Variants in SEC14L5 observed in about 807,000 individuals in gnomAD.
SEC14L5 encodes the protein SEC14-like protein 5.
SEC14L5 carries 96 observed loss-of-function variants against 84.6 expected under a neutral mutation model. The ratio of observed to expected loss-of-function variants is 1.13; its 90% CI spans 0.96 to 1.34. SEC14L5 has a LOEUF of 1.34. Among genes scored for constraint, SEC14L5 ranks in the 40% most tolerant of loss-of-function variants. The pLI is 0.00. For missense variants in SEC14L5, 1,224 were observed against 942.5 expected (o/e 1.30, Z -3.91); for synonymous variants, 546 against 383.4 (o/e 1.42, Z -4.95).
At chr16:4,993,630 C>G (rs1163290685) in intron 6 of SEC14L5, among the ~76,000 whole-genome samples, 1 of 152,208 alleles carries the variant, frequency 6.6e-6, no homozygotes, top group Non-Finnish European at 1.5e-5. Flanking sequence ...ATACAAACAA[C>G]ATGGTACATG....
chr16:4,965,177 G>C (rs1475462358), intron 2 of SEC14L5, among the ~76,000 whole-genome samples: 2 of 152,276 alleles, frequency 1.3e-5, no homozygotes, highest in East Asian at 1.9e-4. Flanking sequence ...CCACATCTTA[G>C]CATGTATAGA....
chr16:4,962,705 A>AAC (rs1555527615), intron 2 of SEC14L5, among the ~76,000 whole-genome samples: 1 of 150,916 alleles, frequency 6.6e-6, no homozygotes, highest in Admixed American at 6.6e-5. Context: ...AAAAAAAAAA[A>AAC]AAACTTCCTT....
chr16:4,983,694 T>A (rs34192962), intron 2 of SEC14L5, among the ~76,000 whole-genome samples: 10,756 of 151,776 alleles, frequency 0.071, 1,099 homozygotes, highest in East Asian at 0.51. Flanking sequence ...CTGACCAACA[T>A]GGTGAAACCC....
Position 4,996,851 on chromosome 16 carries a change from T to G in SEC14L5, c.781-4T>G. On this transcript the variant is annotated splice_region_variant and splice_polypyrimidine_tract_variant and intron_variant, in intron 7 of 15. Transcript: ENST00000251170. ...TGTGGGCTTTTTACTTCTTTGTCTC[T>G]CAGATTCCCAAAGATGAGCACATCC... The G allele has an allele frequency of 1.2e-6, 2 of 1,607,246 alleles. No individual in the cohort carries two copies. The highest frequency in any genetic ancestry group is 1.7e-6 in the Non-Finnish European group (2 of 1,176,902).
intron 1 of SEC14L5, among the ~76,000 whole-genome samples, chr16:4,958,660 G>C (rs1955083186): frequency 1.3e-5 from 2 of 152,260 alleles, no homozygotes; most frequent in Admixed American, 6.5e-5. Context: ...GTGTGTGCAC[G>C]TCTGTGCACA....
In SEC14L5 at chr16:5,011,221, C is replaced by G. The variant is rs911979020; in HGVS notation, c.1927C>G (p.Pro643Ala). 7.4e-6 allele frequency: 12 copies of G among 1,613,766 alleles called. No homozygotes were observed. The highest frequency in any genetic ancestry group is 1.0e-5 in the Non-Finnish European group (12 of 1,179,878). Reference sequence around the variant, plus strand: ...CCTGACGGCTCTGCACAGCCCCGGGCCCAAGTGCAAACTTCTCTACTACTG... The same window carrying G: ...CCTGACGGCTCTGCACAGCCCCGGGGCCAAGTGCAAACTTCTCTACTACTG... Reference protein sequence around the residue: ...DVLTALHSPGPKCKLLYYCEV... With the variant: ...DVLTALHSPGAKCKLLYYCEV... Residue 643 changes from proline (P) to alanine (A), a missense_variant, in exon 15 of 16, where the codon CCC becomes GCC. Pro to Ala is a conservative substitution (Grantham distance 27, BLOSUM62 -1). Transcript: ENST00000251170.
chr16:4,981,496 G>C (rs948741401), intron 2 of SEC14L5, among the ~76,000 whole-genome samples: 4 of 152,056 alleles, frequency 2.6e-5, no homozygotes, highest in Non-Finnish European at 4.4e-5. Flanking sequence ...AGAAGGAAGG[G>C]GAGAAGGTCA....
Position 4,996,424 on chromosome 16 carries a change from G to C in SEC14L5, c.744G>C (p.Gln248His), listed in dbSNP as rs760426926. The change falls in exon 7 of 16, where the codon CAG (glutamine) becomes CAC (histidine). Residue 248 changes from glutamine to histidine, a missense_variant. Transcript: ENST00000251170. Reference sequence around the variant, plus strand: ...CCATGCAGGAGAGCTGCCTGATCCAGCTTCGGCACTGGTTACAGGAGACCC... The same window carrying C: ...CCATGCAGGAGAGCTGCCTGATCCACCTTCGGCACTGGTTACAGGAGACCC... ...LTPMQESCLI[Q>H]LRHWLQETHK... 3 of 1,573,290 alleles carry C rather than the reference G, an allele frequency of 1.9e-6. No homozygotes were observed. The highest frequency in any genetic ancestry group is 2.4e-5 in the East Asian group (1 of 42,306).
chr16:4,997,057 A>G lies in SEC14L5; in HGVS notation c.970+13A>G, dbSNP rs372146881. The G allele has an allele frequency of 1.5e-4, 240 of 1,589,618 alleles. No homozygotes were observed. The highest frequency in any genetic ancestry group is 8.1e-5 in the African/African-American group (6 of 73,872). ...TACCAGGACATAGGTGCGTGCCTCC[A>G]CCCACATCATGTATAGGGCATACTT... On this transcript the variant is annotated intron_variant, in intron 8 of 15. Transcript: ENST00000251170.
At chr16:5,003,291 C>A in intron 10 of SEC14L5, 111 bp from the exon 11 acceptor site, 2 of 788,486 alleles carry the variant, frequency 2.5e-6, no homozygotes, top group Non-Finnish European at 4.1e-6. Context: ...GAGCCCCCAT[C>A]TGCTCCCAGC....
At position 5,005,946 on chromosome 16, in the gene SEC14L5, G is replaced by A. The variant is rs757155332; in HGVS notation, c.1335G>A (p.Arg445=). Residue 445 remains arginine (R), a synonymous_variant, in exon 12 of 16, where the codon CGG becomes CGA. Transcript: ENST00000251170. Reference sequence around the variant, plus strand: ...CCTTCATCAATGAGAACACCAGGCGGAAGTTCCTCATCTACAGTGGCAGCA... The same window carrying A: ...CCTTCATCAATGAGAACACCAGGCGAAAGTTCCTCATCTACAGTGGCAGCA... The part of the protein sequence containing the change: ...ISPFINENTR[R]KFLIYSGSNY... The A allele has an allele frequency of 1.2e-6, 2 of 1,610,114 alleles. No individual in the cohort carries two copies. The highest frequency in any genetic ancestry group is 3.3e-4 in the Middle Eastern group (2 of 6,060).
intron 10 of SEC14L5, among the ~76,000 whole-genome samples, chr16:5,001,250 CTTTTTT>C (rs371571869): frequency 7.9e-6 from 1 of 126,168 alleles, no homozygotes; most frequent in South Asian, 2.6e-4. Flanking sequence ...CTTGACTTTG[CTTTTTT>C]TTTTTTTTTT....
chr16:4,996,824 T>C, intron 7 of SEC14L5, 31 bp from the exon 8 acceptor site: 3 of 1,576,930 alleles, frequency 1.9e-6, no homozygotes, highest in Non-Finnish European at 2.6e-6. Flanking sequence ...GGGATACCGT[T>C]CTGTGGGCTT....
intron 2 of SEC14L5, among the ~76,000 whole-genome samples, chr16:4,962,946 A>G (rs904943727): frequency 6.6e-6 from 1 of 152,216 alleles, no homozygotes; most frequent in African/African-American, 2.4e-5. Flanking sequence ...TCTATGCTTA[A>G]TGTTCGTCTT....
At chr16:5,003,752 G>A (rs1311091381) in intron 11 of SEC14L5, among the ~76,000 whole-genome samples, 179 bp downstream of exon 11, 1 of 152,192 alleles carries the variant, frequency 6.6e-6, no homozygotes, top group East Asian at 1.9e-4. Flanking sequence ...GGTCTTTCCT[G>A]TATTCACTGA....
At chr16:4,987,793 G>A in intron 3 of SEC14L5, 87 bp downstream of exon 3, 1 of 1,063,624 alleles carries the variant, frequency 9.4e-7, no homozygotes, top group Non-Finnish European at 1.3e-6. Context: ...GGACCAGGGC[G>A]GCGGGGTCCA....
intron 15 of SEC14L5, 37 bp from the exon 16 acceptor site, chr16:5,014,822 G>C (rs1955852644): frequency 6.5e-7 from 1 of 1,530,400 alleles, no homozygotes; most frequent in Non-Finnish European, 9.0e-7. Context: ...CCTTGTCACT[G>C]TGAGAGGGTA....
At chr16:5,001,836 A>C (rs1955681570) in intron 10 of SEC14L5, among the ~76,000 whole-genome samples, 2 of 152,148 alleles carry the variant, frequency 1.3e-5, no homozygotes, top group East Asian at 3.9e-4. Flanking sequence ...GCAGTGGTGC[A>C]ATCACAGCTC....
intron 12 of SEC14L5, among the ~76,000 whole-genome samples, chr16:5,006,507 G>T (rs981882782): frequency 2.0e-5 from 3 of 152,136 alleles, no homozygotes; most frequent in Non-Finnish European, 4.4e-5. Context: ...CCCTTCAAGG[G>T]AGGCAGTGTC....
Sources: allele counts gnomAD v4.1 joint callset (sites outside exome capture counted in the v4.1 genomes callset), GRCh38; gene constraint gnomAD v4.1.1; transcripts MANE v1.5; gene names NCBI Gene and HGNC (gene_info 2026-07-23, HGNC 2026-07-21).